Variants in PTOV1 observed in about 807,000 individuals in gnomAD.
PTOV1 encodes prostate tumor-overexpressed gene 1 protein.
Under a neutral mutation model 58.0 loss-of-function variants are expected in PTOV1, and 20 were observed. The observed-to-expected ratio is 0.34, with a 90% CI of 0.24 to 0.50. PTOV1 has a LOEUF of 0.50. PTOV1 is among the 20% of genes least tolerant of loss of function. The pLI is 0.98. For synonymous variants in PTOV1, 335 were observed against 234.2 expected, an observed-to-expected ratio of 1.43 and a Z score of -3.93; for missense variants, 593 against 565.4, an observed-to-expected ratio of 1.05 and a Z score of -0.50.
At chr19:49,858,915 T>C in intron 10 of PTOV1, 1 of 399,390 alleles carries the variant, frequency 2.5e-6, no homozygotes, top group East Asian at 3.9e-5. Context: ...CGCTCTCCAC[T>C]CCTCAGGGAC....
rs769846625 is a variant in PTOV1 at position 49,857,071 on chromosome 19, C to T, written c.655C>T (p.Pro219Ser). Residue 219 changes from proline to serine, a missense_variant, in exon 6 of 12, where the codon CCC (proline) becomes TCC (serine). Coordinates refer to ENST00000391842, the Ensembl canonical transcript of PTOV1. Reference sequence around the variant, plus strand: ...GAAGAAGATCTTCATGGGCCTCATCCCCTACGACCAGAGCGGCTTCGTCAG... The same window carrying T: ...GAAGAAGATCTTCATGGGCCTCATCTCCTACGACCAGAGCGGCTTCGTCAG... 2 of 1,614,124 alleles carry T rather than the reference C, an allele frequency of 1.2e-6. No homozygotes were observed. The highest frequency in any genetic ancestry group is 1.1e-5 in the South Asian group (1 of 91,080).
At chr19:49,857,318 C>T (rs1433857153) in intron 6 of PTOV1, 188 bp downstream of exon 6, 2 of 797,316 alleles carry the variant, frequency 2.5e-6, no homozygotes, top group Non-Finnish European at 3.9e-6. Context: ...CTGGGCGGCT[C>T]TGCAGGGCTG....
intron 9 of PTOV1, 94 bp downstream of exon 9, chr19:49,858,208 C>G: frequency 6.8e-7 from 1 of 1,469,200 alleles, no homozygotes; most frequent in Non-Finnish European, 9.2e-7. Context: ...GTGGCCTGAG[C>G]TGGCTGTGAG....
exon 8 of PTOV1, chr19:49,857,972 G>T: frequency 6.2e-7 from 1 of 1,613,528 alleles, no homozygotes; most frequent in Non-Finnish European, 8.5e-7. Flanking sequence ...ACCAGGGGGA[G>T]ATCCTGTGAG....
intron 5 of PTOV1, chr19:49,856,739 C>T (rs1194195979): frequency 7.6e-6 from 4 of 523,662 alleles, no homozygotes; most frequent in Admixed American, 3.3e-5. Context: ...TTGGCATTCT[C>T]ACCGCAGCCT....
Position 49,860,371 on chromosome 19 carries a change from C to G in PTOV1, c.*92C>G, listed in dbSNP as rs1165603687. ...GACCCTGTCATGTACAGGAGGGACCCTGGGGCATGTGGGGGGGGTGGGGTT... is the reference window on the plus strand; with the variant it reads ...GACCCTGTCATGTACAGGAGGGACCGTGGGGCATGTGGGGGGGGTGGGGTT... On this transcript the variant is annotated 3_prime_UTR_variant, in exon 12 of 12. Transcript: ENST00000391842. 12 of 643,878 alleles carry G rather than the reference C, an allele frequency of 1.9e-5. No individual in the cohort carries two copies. In the East Asian group the frequency reaches 5.3e-4, roughly 29 times the overall value. The allele number at this position is 643,878 out of a possible 1,614,324, so 39.9% of individuals were successfully genotyped here.
intron 1 of PTOV1, chr19:49,852,047 C>T: frequency 1.0e-6 from 1 of 985,466 alleles, no homozygotes; most frequent in Non-Finnish European, 1.2e-6. Context: ...AGACCTTAAA[C>T]GTAAACATTC....
intron 7 of PTOV1, 40 bp downstream of exon 7, chr19:49,857,822 C>A: frequency 6.2e-7 from 1 of 1,612,816 alleles, no homozygotes; most frequent in East Asian, 2.2e-5. Context: ...ACCCCCAGAT[C>A]CTCACGGACT....
At position 49,851,464 on chromosome 19, in the gene PTOV1, C is replaced by G. The variant is rs1010582026; in HGVS notation, c.136C>G (p.Pro46Ala). 1.0e-4 allele frequency: 124 copies of G among 1,221,922 alleles called. No individual in the cohort carries two copies. Among genetic ancestry groups the G allele is most frequent in the Non-Finnish European group, 1.2e-4 (120 of 981,668 alleles). The allele number at this position is 1,221,922 out of a possible 1,614,324, so 75.7% of individuals were successfully genotyped here. Reference sequence around the variant, plus strand: ...GCCTGCCAGCCCCCGAGGCCCGCAGCCTCCGCGGATCCGGGCCCGCTCGGC... The same window carrying G: ...GCCTGCCAGCCCCCGAGGCCCGCAGGCTCCGCGGATCCGGGCCCGCTCGGC... The change falls in exon 1 of 12, where the codon CCT becomes GCT. Residue 46 changes from proline to alanine, a missense_variant. Pro to Ala is a conservative substitution (Grantham distance 27). Coordinates refer to ENST00000391842, the Ensembl canonical transcript of PTOV1.
upstream of PTOV1, chr19:49,851,060 C>T: frequency 6.7e-7 from 1 of 1,484,508 alleles, no homozygotes; most frequent in Middle Eastern, 1.9e-4. Flanking sequence ...GCCCACACTC[C>T]GCTCCCGCCC....
At chr19:49,858,871 C>A in intron 10 of PTOV1, 1 of 527,796 alleles carries the variant, frequency 1.9e-6, no homozygotes, top group South Asian at 2.6e-5. Context: ...TGCTCCTCCT[C>A]TGCCACATCA....
chr19:49,859,602 A>G (rs903793425), intron 10 of PTOV1, among the ~76,000 whole-genome samples: 1 of 151,392 alleles, frequency 6.6e-6, no homozygotes, highest in Non-Finnish European at 1.5e-5. Flanking sequence ...CCTCAAGGAA[A>G]CCCAGAAAGG....
intron 3 of PTOV1, 23 bp downstream of exon 3, chr19:49,854,757 C>A: frequency 1.2e-6 from 2 of 1,613,324 alleles, no homozygotes; most frequent in Non-Finnish European, 1.7e-6. Context: ...GCGTGGCAGC[C>A]AGGGCGGTGG....
intron 6 of PTOV1, 180 bp from the exon 7 acceptor site, chr19:49,857,513 G>T: frequency 1.5e-6 from 1 of 658,870 alleles, no homozygotes; most frequent in African/African-American, 1.8e-5. Context: ...TCAGGCCACT[G>T]GGGAGCCATG....
At chr19:49,855,108 T>C (rs1461999143) in intron 5 of PTOV1, 31 bp downstream of exon 5, 1 of 1,536,726 alleles carries the variant, frequency 6.5e-7, no homozygotes, top group South Asian at 1.2e-5. Flanking sequence ...TGTAGCACTG[T>C]GGTGACAAGT....
chr19:49,858,495 C>A, intron 9 of PTOV1, 54 bp from the exon 10 acceptor site: 1 of 1,442,866 alleles, frequency 6.9e-7, no homozygotes, highest in Non-Finnish European at 9.5e-7. Flanking sequence ...GGCTGGGAGC[C>A]GGGAGGCCGT....
upstream of PTOV1, chr19:49,851,061 G>T (rs1015907305): frequency 1.4e-6 from 2 of 1,480,966 alleles, no homozygotes; most frequent in Admixed American, 2.2e-5. Flanking sequence ...CCCACACTCC[G>T]CTCCCGCCCG....
intron 5 of PTOV1, chr19:49,856,766 T>G: frequency 3.4e-6 from 2 of 593,584 alleles, no homozygotes; most frequent in Non-Finnish European, 5.8e-6. Context: ...CGGGTGCCAC[T>G]CTGACCTCAG....
chr19:49,860,417 T>A, exon 12 of PTOV1: 1 of 1,340,516 alleles, frequency 7.5e-7, no homozygotes, highest in African/African-American at 1.5e-5. Context: ...CAGGGCGACC[T>A]TGGCCTTGGG....
Sources: gnomAD v4.1 joint callset for allele counts (sites outside exome capture counted in the v4.1 genomes callset) on GRCh38, gnomAD v4.1.1 for gene constraint, MANE v1.5 for transcripts, NCBI Gene and HGNC (gene_info 2026-07-23, HGNC 2026-07-21) for gene names.